The following EFCAB5 variants were observed in gnomAD, a reference collection of about 807,000 sequenced individuals.
EFCAB5 encodes EF-hand calcium binding domain 5, also known as EF-hand calcium-binding domain-containing protein 5.
EFCAB5 carries 131 observed loss-of-function variants against 167.9 expected under a neutral mutation model. The observed-to-expected ratio is 0.78, with a 90% CI of 0.68 to 0.90. EFCAB5 has a LOEUF of 0.90. Among genes scored for constraint, EFCAB5 ranks in the 40% least tolerant of loss-of-function variants. EFCAB5 has a pLI of 0.00. For missense variants in EFCAB5, 1,663 were observed against 1,745.2 expected (o/e 0.95, Z 0.84); for synonymous variants, 574 against 602.8 (o/e 0.95, Z 0.70).
chr17:30,069,200 CA>C, intron 14 of EFCAB5: 1 of 1,545,422 alleles, frequency 6.5e-7, no homozygotes, highest in Non-Finnish European at 8.9e-7. Context: ...CAGTGTCCTT[CA>C]AAAGACTGAA....
intron 4 of EFCAB5, among the ~76,000 whole-genome samples, chr17:29,975,501 C>T (rs1179827396): frequency 2.0e-5 from 3 of 152,278 alleles, no homozygotes; most frequent in East Asian, 3.9e-4. Flanking sequence ...AGGTGATCTA[C>T]CCACCTCGGC....
chr17:30,090,488 ATAG>A lies in EFCAB5; in HGVS notation c.3756_3758del (p.Val1253del). On this transcript the variant is annotated inframe_deletion, in exon 20 of 23. Coordinates refer to ENST00000394835, the MANE Select transcript of EFCAB5 (RefSeq NM_198529.4). The stretch of plus-strand genomic sequence containing the variant: ...GGCTTCTGCCTGTGGAGAAACGCAT[ATAG>A]TAGTTCCACTTCGTGAGAGAACAGG... 6.2e-7 allele frequency: 1 copy of A among 1,614,058 alleles called. No individual in the cohort carries two copies. The highest frequency in any genetic ancestry group is 8.5e-7 in the Non-Finnish European group (1 of 1,179,890).
At chr17:29,962,450 G>A (rs1334574358) in intron 3 of EFCAB5, among the ~76,000 whole-genome samples, 1 of 151,634 alleles carries the variant, frequency 6.6e-6, no homozygotes. Flanking sequence ...TTTTATAAAT[G>A]GAATTGCTTT....
intron 14 of EFCAB5, among the ~76,000 whole-genome samples, chr17:30,077,601 G>A (rs1411437022): frequency 6.6e-6 from 1 of 152,104 alleles, no homozygotes; most frequent in South Asian, 2.1e-4. Flanking sequence ...AAATAGAGAA[G>A]ACATGTGAAT....
intron 14 of EFCAB5, among the ~76,000 whole-genome samples, chr17:30,065,283 A>G (rs1352185672): frequency 4.6e-5 from 7 of 152,362 alleles, no homozygotes; most frequent in African/African-American, 1.7e-4. Context: ...TGACAGGAGT[A>G]AGTACTCACC....
chr17:30,030,479 G>C (rs538838680), intron 7 of EFCAB5, among the ~76,000 whole-genome samples: 175 of 152,174 alleles, frequency 1.1e-3, no homozygotes, highest in Non-Finnish European at 2.0e-3. Context: ...AAGTAGCTGG[G>C]ATTACAGGCA....
chr17:30,097,541 G>C (rs2071321384), intron 22 of EFCAB5, among the ~76,000 whole-genome samples: 1 of 152,118 alleles, frequency 6.6e-6, no homozygotes, highest in Non-Finnish European at 1.5e-5. Flanking sequence ...GCTGTCTTTT[G>C]ATTCATCAAT....
chr17:29,987,416 C>A (rs971749537), intron 4 of EFCAB5, among the ~76,000 whole-genome samples: 4 of 152,178 alleles, frequency 2.6e-5, no homozygotes, highest in African/African-American at 9.7e-5. Context: ...ACAAGCATAA[C>A]CTCTACCCCA....
chr17:30,080,655 C>A (rs960359751), intron 16 of EFCAB5, 98 bp from the exon 17 acceptor site: 16 of 914,306 alleles, frequency 1.7e-5, no homozygotes, highest in Middle Eastern at 3.4e-4. Flanking sequence ...TCATATAATG[C>A]CACAGATTGT....
chr17:29,991,600 AG>A (rs1027925781), intron 4 of EFCAB5, among the ~76,000 whole-genome samples: 25 of 152,238 alleles, frequency 1.6e-4, no homozygotes, highest in Admixed American at 9.2e-4. Flanking sequence ...TTTTCTGCCC[AG>A]GGTGGGCCAG....
At chr17:29,965,743 T>G (rs2067815917) in intron 3 of EFCAB5, among the ~76,000 whole-genome samples, 1 of 152,216 alleles carries the variant, frequency 6.6e-6, no homozygotes, top group Non-Finnish European at 1.5e-5. Flanking sequence ...TGGTCATAGA[T>G]GTATGGGTTT....
chr17:30,043,806 T>C (rs932125294), intron 8 of EFCAB5, among the ~76,000 whole-genome samples: 51 of 152,336 alleles, frequency 3.3e-4, no homozygotes, highest in African/African-American at 1.2e-3. Context: ...AGTCCCCAAA[T>C]TGACCTACAA....
chr17:29,986,489 A>G (rs1243704572), intron 4 of EFCAB5, among the ~76,000 whole-genome samples: 5 of 152,134 alleles, frequency 3.3e-5, no homozygotes, highest in African/African-American at 1.2e-4. Flanking sequence ...ATCAATAATG[A>G]TTCCATAGGA....
chr17:30,053,661 C>G lies in EFCAB5; in HGVS notation c.1707C>G (p.His569Gln). 1 of 1,613,944 alleles carries G rather than the reference C, an allele frequency of 6.2e-7. No individual in the cohort carries two copies. Among genetic ancestry groups the G allele is most frequent in the African/African-American group, 1.3e-5 (1 of 75,044 alleles). Residue 569 changes from histidine to glutamine, a missense_variant, in exon 10 of 23, where the codon CAC (histidine) becomes CAG (glutamine). Physicochemically the swap from His to Gln is conservative, Grantham distance 24. Coordinates refer to ENST00000394835, the MANE Select transcript of EFCAB5 (RefSeq NM_198529.4). The part of the protein sequence containing the change: ...SRRLLTEQET[H>Q]RESTTEQGQH... ...GGTTACTGACAGAACAAGAAACACA[C>G]AGAGAGTCAACTACAGAACAAGGAC...
intron 18 of EFCAB5, among the ~76,000 whole-genome samples, chr17:30,086,276 G>A (rs182631894): frequency 2.6e-5 from 4 of 151,914 alleles, no homozygotes; most frequent in Admixed American, 2.0e-4. Context: ...TAGTTTCTAC[G>A]AAAAAATATT....
rs368505445 is a variant in EFCAB5, at chr17:30,087,156, T to G, written c.3673T>G (p.Cys1225Gly). The change falls in exon 19 of 23, where the codon TGC becomes GGC. Residue 1225 changes from cysteine to glycine, a missense_variant. Cys to Gly is a radical substitution (Grantham distance 159). Coordinates refer to ENST00000394835, the MANE Select transcript of EFCAB5 (RefSeq NM_198529.4). The stretch of plus-strand genomic sequence containing the variant: ...TCCTCCTACCATCCACAGGAAGTCA[T>G]GCATCTTCAGGTTAGAGACATGTCT... ...KNPPTIHRKS[C>G]IFRDFLFKCT... 103 of 1,613,526 alleles carry G rather than the reference T, an allele frequency of 6.4e-5. 2 individuals are homozygous for G. Among genetic ancestry groups the G allele is most frequent in the Middle Eastern group, 1.6e-4 (1 of 6,082 alleles).
intron 17 of EFCAB5, among the ~76,000 whole-genome samples, chr17:30,081,869 T>C (rs1343049783): frequency 2.0e-5 from 3 of 152,252 alleles, no homozygotes; most frequent in African/African-American, 7.2e-5. Flanking sequence ...AGGTGAAGTA[T>C]ATATAGTCTT....
intron 3 of EFCAB5, among the ~76,000 whole-genome samples, chr17:29,948,874 T>C (rs116989906): frequency 6.6e-6 from 1 of 152,212 alleles, no homozygotes; most frequent in Non-Finnish European, 1.5e-5. Flanking sequence ...TGCCTTTTCC[T>C]TTATCTATTG....
At chr17:29,957,733 T>G (rs2067645699) in intron 3 of EFCAB5, among the ~76,000 whole-genome samples, 1 of 152,244 alleles carries the variant, frequency 6.6e-6, no homozygotes, top group Non-Finnish European at 1.5e-5. Context: ...CTATCATTGA[T>G]GAGTATTTGG....
Sources: allele counts gnomAD v4.1 joint callset (sites outside exome capture counted in the v4.1 genomes callset), GRCh38; gene constraint gnomAD v4.1.1; transcripts MANE v1.5; gene names NCBI Gene and HGNC (gene_info 2026-07-23, HGNC 2026-07-21).